Variants in ATXN7 observed in about 807,000 individuals in gnomAD.
ATXN7 encodes the protein ataxin 7, also known as ataxin-7.
Under a neutral mutation model 70.5 loss-of-function variants are expected in ATXN7, and 12 were observed. The ratio of observed to expected loss-of-function variants is 0.17; its 90% CI spans 0.11 to 0.28. The LOEUF (loss-of-function observed/expected upper bound fraction) is 0.28. Ranked by LOEUF, ATXN7 falls within the 10% of genes least tolerant of loss-of-function variation. The pLI, the probability that ATXN7 is intolerant of heterozygous loss-of-function variation, is 1.00. For missense variants in ATXN7, 1,256 were observed against 1,131.7 expected (o/e 1.11, Z -1.58); for synonymous variants, 498 against 448.7 (o/e 1.11, Z -1.39).
chr3:63,993,844 A>G (rs57401079), intron 11 of ATXN7, among the ~76,000 whole-genome samples: 4,005 of 152,134 alleles, frequency 0.026, 161 homozygotes, highest in African/African-American at 0.09. Context: ...TAGGGCCTGG[A>G]CTTCATTTAG....
intron 1 of ATXN7, among the ~76,000 whole-genome samples, chr3:63,890,975 C>G (rs1444466421): frequency 6.6e-6 from 1 of 151,996 alleles, no homozygotes; most frequent in Non-Finnish European, 1.5e-5. Context: ...GTGTGGCACC[C>G]AACATTTCTT....
chr3:63,991,128 A>T lies in ATXN7; in HGVS notation c.1682+269A>T, dbSNP rs547692316. ...TGGGATTGGGTAAGGGGAGAAAAAA[A>T]CTAGTCTACAGAAGAATAAGGAGAT... On this transcript the variant is annotated intron_variant, in intron 11 of 12. Transcript: ENST00000674280. 3.1e-5 allele frequency: 14 copies of T among 446,258 alleles called. No individual in the cohort carries two copies. The East Asian group carries it at 5.4e-4, about 17-fold the overall frequency. The allele number at this position is 446,258 out of a possible 1,614,324, so 27.6% of individuals were successfully genotyped here.
chr3:63,995,429 A>G, intron 11 of ATXN7, 76 bp from the exon 12 acceptor site: 1 of 1,522,128 alleles, frequency 6.6e-7, no homozygotes, highest in Non-Finnish European at 9.0e-7. Flanking sequence ...GTCACAAGCA[A>G]AGAGGGTGGT....
chr3:63,959,345 C>T (rs376715110), intron 5 of ATXN7, among the ~76,000 whole-genome samples: 5 of 152,176 alleles, frequency 3.3e-5, no homozygotes, highest in South Asian at 4.1e-4. Context: ...CTCCAGCAGT[C>T]GGGGGATGAG....
intron 5 of ATXN7, among the ~76,000 whole-genome samples, chr3:63,960,504 G>C (rs540041777): frequency 6.6e-6 from 1 of 152,328 alleles, no homozygotes; most frequent in South Asian, 2.1e-4. Flanking sequence ...GTTAAGGTGA[G>C]AGCTGGATCA....
intron 5 of ATXN7, among the ~76,000 whole-genome samples, chr3:63,973,931 G>A (rs1034891919): frequency 2.0e-5 from 3 of 152,058 alleles, no homozygotes; most frequent in African/African-American, 7.2e-5. Context: ...ATTTGGAAAG[G>A]GTAAGTATAT....
chr3:63,898,556 A>C (rs1052999059), intron 2 of ATXN7, 59 bp downstream of exon 2: 2 of 152,244 alleles, frequency 1.3e-5, no homozygotes, highest in African/African-American at 2.4e-5. Flanking sequence ...TTCCAGTTAT[A>C]ATAGAGTTTG....
chr3:63,982,437 G>A lies in ATXN7; in HGVS notation c.1004G>A (p.Arg335Lys). The change falls in exon 7 of 13, where the codon AGA (arginine) becomes AAA (lysine). Residue 335 changes from arginine (R) to lysine (K), a missense_variant. Arg to Lys is a conservative substitution (Grantham distance 26, BLOSUM62 2). Coordinates refer to ENST00000674280, the MANE Select transcript of ATXN7 (RefSeq NM_001377405.1). ...NSNNRKFLNK[R>K]LSEREFDPDI... is the part of the protein sequence containing the mutation. ...AATAATAGGAAATTTTTAAATAAGA[G>A]ATTATCAGGTAACTTCAAATTTTCT... is the stretch of plus-strand genomic sequence containing the variant. 1.2e-6 allele frequency: 2 copies of A among 1,602,852 alleles called. No individual in the cohort carries two copies. The highest frequency in any genetic ancestry group is 1.7e-6 in the Non-Finnish European group (2 of 1,171,998).
At chr3:63,930,360 T>C (rs565084250) in intron 4 of ATXN7, among the ~76,000 whole-genome samples, 32 of 152,306 alleles carry the variant, frequency 2.1e-4, no homozygotes, top group African/African-American at 7.2e-4. Flanking sequence ...CAAATTCTTA[T>C]TTGCCTGATG....
At chr3:63,913,283 T>G in intron 4 of ATXN7, 58 bp downstream of exon 4, 1 of 1,525,804 alleles carries the variant, frequency 6.6e-7, no homozygotes, top group Non-Finnish European at 9.1e-7. Flanking sequence ...TCATTGACAG[T>G]TCACTGGGAC....
intron 5 of ATXN7, among the ~76,000 whole-genome samples, chr3:63,971,220 A>G (rs1325807956): frequency 3.3e-5 from 5 of 152,208 alleles, no homozygotes; most frequent in Non-Finnish European, 5.9e-5. Context: ...CCACCTAAGC[A>G]TGCTCTGGAG....
chr3:63,983,260 A>G (rs1017104738), intron 8 of ATXN7, among the ~76,000 whole-genome samples: 4 of 152,136 alleles, frequency 2.6e-5, no homozygotes, highest in Admixed American at 6.5e-5. Flanking sequence ...GCAGTGTTGT[A>G]TCCACAGGAA....
chr3:63,950,318 A>G (rs1270295847), intron 4 of ATXN7, among the ~76,000 whole-genome samples: 3 of 152,332 alleles, frequency 2.0e-5, no homozygotes, highest in Non-Finnish European at 2.9e-5. Context: ...AGAATCTGGT[A>G]TCTGGCAAAG....
At chr3:63,917,549 C>G (rs1249925325) in intron 4 of ATXN7, among the ~76,000 whole-genome samples, 1 of 152,136 alleles carries the variant, frequency 6.6e-6, no homozygotes, top group Non-Finnish European at 1.5e-5. Context: ...GGAAAAATGA[C>G]ATCTTCTTTG....
At chr3:63,998,421 A>G (rs2075794472) in intron 12 of ATXN7, 1 of 985,262 alleles carries the variant, frequency 1.0e-6, no homozygotes, top group Non-Finnish European at 1.2e-6. Context: ...TAAATCTGGT[A>G]TAGCCTATGT....
At chr3:63,926,778 C>T (rs948660196) in intron 4 of ATXN7, among the ~76,000 whole-genome samples, 3 of 152,002 alleles carry the variant, frequency 2.0e-5, no homozygotes, top group Admixed American at 6.6e-5. Context: ...TAAGTGTCAC[C>T]GTTTTTTTTA....
Position 63,884,236 on chromosome 3 carries a change from CACACA to C in ATXN7, c.-110-14162_-110-14158del, listed in dbSNP as rs1559619586. Among the ~76,000 whole-genome samples, 24 of 122,396 alleles carry C rather than the reference CACACA, an allele frequency of 2.0e-4. No homozygotes were observed. In the East Asian group the frequency reaches 5.2e-3, roughly 27 times the overall value. 80.3% of individuals were successfully genotyped at this position (122,396 alleles called of 152,430 possible). A position where few individuals can be genotyped will look rare whatever the true frequency, so the allele number is the denominator to read the frequency against. On this transcript the variant is annotated intron_variant, in intron 1 of 12. Transcript: ENST00000674280. Reference sequence around the variant, plus strand: ...ACACACACACACACACACACACACACACACATACTCTCACACACACACACACTCAT... The same window carrying C: ...ACACACACACACACACACACACACACTACTCTCACACACACACACACTCAT...
At chr3:63,963,299 T>A (rs2106697286) in intron 5 of ATXN7, among the ~76,000 whole-genome samples, 1 of 152,318 alleles carries the variant, frequency 6.6e-6, no homozygotes, top group East Asian at 1.9e-4. Context: ...CTTTATAGAT[T>A]TTTTGATTGG....
At chr3:63,892,136 A>G (rs1213327763) in intron 1 of ATXN7, among the ~76,000 whole-genome samples, 1 of 152,206 alleles carries the variant, frequency 6.6e-6, no homozygotes, top group East Asian at 1.9e-4. Context: ...GGTAGTGTTG[A>G]TAAGTATGGC....
Sources: allele counts gnomAD v4.1 joint callset (sites outside exome capture counted in the v4.1 genomes callset), GRCh38; gene constraint gnomAD v4.1.1; transcripts MANE v1.5; gene names NCBI Gene and HGNC (gene_info 2026-07-23, HGNC 2026-07-21).